Variants in CLMP observed in about 807,000 individuals in gnomAD.
The protein encoded by CLMP is CXADR-like membrane protein.
A neutral mutation model predicts 45.2 loss-of-function variants in CLMP; 27 were observed. The observed-to-expected ratio is 0.60, with a 90% CI of 0.44 to 0.82. The LOEUF (loss-of-function observed/expected upper bound fraction) is 0.82, where lower values mean the gene tolerates loss of function less well. Among genes scored for constraint, CLMP ranks in the 40% least tolerant of loss-of-function variants. The probability of loss-of-function intolerance (pLI) is 0.00; values close to 1 mark genes in which losing one functional copy is unlikely to be tolerated. For synonymous variants in CLMP, 167 were observed against 171.4 expected (o/e 0.97, Z 0.20); for missense variants, 403 against 448.4 (o/e 0.90, Z 0.91).
chr11:123,140,605 C>A (rs1429650913), intron 1 of CLMP, among the ~76,000 whole-genome samples: 1 of 152,026 alleles, frequency 6.6e-6, no homozygotes. Context: ...CAACCTTTGC[C>A]CAAAGCTTTC....
intron 1 of CLMP, among the ~76,000 whole-genome samples, chr11:123,150,480 A>AAAGAAAGG (rs764502298): frequency 6.9e-3 from 278 of 40,546 alleles, no homozygotes; most frequent in Non-Finnish European, 9.1e-3. Flanking sequence ...AGAAAGAAAG[A>AAAGAAAGG]AAGGAAGGAA....
rs540267810 is a variant in CLMP, at chr11:123,088,813, G to A, written c.187-4100C>T. Among the ~76,000 whole-genome samples, 67 of 152,070 alleles carry A rather than the reference G, an allele frequency of 4.4e-4. No homozygotes were observed. In the South Asian group the frequency reaches 0.013, roughly 30 times the overall value. On this transcript the variant is annotated intron_variant, in intron 2 of 6. Transcript: ENST00000448775. ...CTAATTTTGTATTTTTAGTAGAGAC[G>A]GGGTTTTACCATGTTGGTCAGGCTG...
intron 1 of CLMP, among the ~76,000 whole-genome samples, chr11:123,126,606 A>C (rs1860898433): frequency 6.6e-6 from 1 of 152,116 alleles, no homozygotes; most frequent in African/African-American, 2.4e-5. Flanking sequence ...GTAATAAGAA[A>C]ACAGAACTAG....
chr11:123,179,710 A>G (rs573812940), intron 1 of CLMP, among the ~76,000 whole-genome samples: 2 of 152,216 alleles, frequency 1.3e-5, no homozygotes, highest in Non-Finnish European at 2.9e-5. Context: ...GCAATTACCA[A>G]TACAAGATGT....
chr11:123,145,931 C>G (rs1861232939), intron 1 of CLMP, among the ~76,000 whole-genome samples: 1 of 152,212 alleles, frequency 6.6e-6, no homozygotes. Flanking sequence ...ATAGCCCTCC[C>G]TGGAGGGGAA....
chr11:123,074,947 T>C (rs1476518496), intron 5 of CLMP, 104 bp from the exon 6 acceptor site: 5 of 1,318,790 alleles, frequency 3.8e-6, no homozygotes, highest in Non-Finnish European at 5.1e-6. Context: ...TATTTGCAGG[T>C]TTGTTTGTTT....
Position 123,070,580 on chromosome 11 carries a change from C to T in CLMP, c.*2894G>A, listed in dbSNP as rs528021883. The stretch of plus-strand genomic sequence containing the variant: ...TGCTTTCAAAAGCATAGGCAGGAAA[C>T]CTTAGGTTCAAAGGTAGTAAATAAT... On this transcript the variant is annotated 3_prime_UTR_variant, in exon 7 of 7. Transcript: ENST00000448775. 3 of 152,130 alleles carry T rather than the reference C, an allele frequency of 2.0e-5. No homozygotes were observed. The highest frequency in any genetic ancestry group is 1.3e-4 in the Admixed American group (2 of 15,266). 9.4% of individuals were successfully genotyped at this position (152,130 alleles called of 1,614,324 possible).
rs190320870 is a variant in CLMP at position 123,075,212 on chromosome 11, C to T, written c.680-369G>A. 1.5e-3 allele frequency among the ~76,000 whole-genome samples: 235 copies of T among 152,228 alleles called. 1 individual carries two copies. Among genetic ancestry groups the T allele is most frequent in the African/African-American group, 5.5e-3 (227 of 41,548 alleles). ...CAGGTGATCCACCAGACTCAGCCTC[C>T]GAAAGTGCTGGGATTACAGGCGGGA... On this transcript the variant is annotated intron_variant, in intron 5 of 6. Coordinates refer to ENST00000448775, the MANE Select transcript of CLMP (RefSeq NM_024769.5).
chr11:123,070,538 C>G lies in CLMP; in HGVS notation c.*2936G>C, dbSNP rs746277343. The G allele has an allele frequency of 2.0e-5, 3 of 152,088 alleles. No individual in the cohort carries two copies. The highest frequency in any genetic ancestry group is 4.4e-5 in the Non-Finnish European group (3 of 68,012). The allele number at this position is 152,088 out of a possible 1,614,324, so 9.4% of individuals were successfully genotyped here. Reference sequence around the variant, plus strand: ...TAAAAATCTAAGGCTCTTTTTCATGCAAAGGAGACTGATTTTTGCTTTCAA... The same window carrying G: ...TAAAAATCTAAGGCTCTTTTTCATGGAAAGGAGACTGATTTTTGCTTTCAA... On this transcript the variant is annotated 3_prime_UTR_variant, in exon 7 of 7. Transcript: ENST00000448775.
chr11:123,151,450 C>G (rs1861336920), intron 1 of CLMP, among the ~76,000 whole-genome samples: 1 of 152,204 alleles, frequency 6.6e-6, no homozygotes, highest in South Asian at 2.1e-4. Flanking sequence ...TTCACTCATT[C>G]ACCTGCCCAC....
At chr11:123,194,791 A>G in intron 1 of CLMP, 122 bp downstream of exon 1, 1 of 1,215,276 alleles carries the variant, frequency 8.2e-7, no homozygotes, top group South Asian at 1.3e-5. Context: ...GGAGGCAGGG[A>G]CTGAAAAGCC....
intron 1 of CLMP, among the ~76,000 whole-genome samples, chr11:123,193,578 T>C (rs1021077658): frequency 2.6e-5 from 4 of 152,234 alleles, no homozygotes; most frequent in Non-Finnish European, 4.4e-5. Flanking sequence ...ATAGTTTGGC[T>C]TAGCCCACCT....
intron 2 of CLMP, among the ~76,000 whole-genome samples, chr11:123,093,525 T>C (rs1251811788): frequency 6.8e-6 from 1 of 146,180 alleles, no homozygotes; most frequent in Admixed American, 6.8e-5. Flanking sequence ...TTTTTGTGTT[T>C]TTAGTCGAGA....
At chr11:123,162,344 A>T (rs1438259760) in intron 1 of CLMP, among the ~76,000 whole-genome samples, 2 of 152,230 alleles carry the variant, frequency 1.3e-5, no homozygotes, top group Non-Finnish European at 2.9e-5. Flanking sequence ...ATTATTTATG[A>T]TTTATAACAC....
rs1034312810 is a variant in CLMP at position 123,071,286 on chromosome 11, T to C, written c.*2188A>G. 6.6e-6 allele frequency: 1 copy of C among 151,998 alleles called. No homozygotes were observed. Among genetic ancestry groups the C allele is most frequent in the African/African-American group, 2.4e-5 (1 of 41,374 alleles). 9.4% of individuals were successfully genotyped at this position (151,998 alleles called of 1,614,324 possible). A position where few individuals can be genotyped will look rare whatever the true frequency, so the allele number is the denominator to read the frequency against. ...CCCATCTCTACTAAAAATACAAAAA[T>C]TAGCTGTACGTGGTGGCGCACACCT... On this transcript the variant is annotated 3_prime_UTR_variant, in exon 7 of 7. Coordinates refer to ENST00000448775, the MANE Select transcript of CLMP (RefSeq NM_024769.5).
At chr11:123,190,772 A>C (rs187036219) in intron 1 of CLMP, among the ~76,000 whole-genome samples, 1 of 152,236 alleles carries the variant, frequency 6.6e-6, no homozygotes, top group Non-Finnish European at 1.5e-5. Flanking sequence ...ATTATTCAGC[A>C]TTTAGCTCAC....
intron 2 of CLMP, among the ~76,000 whole-genome samples, chr11:123,092,047 C>T (rs903273857): frequency 6.6e-6 from 1 of 152,000 alleles, no homozygotes; most frequent in Non-Finnish European, 1.5e-5. Flanking sequence ...TTCTGAAATG[C>T]CTTTTCCTCT....
chr11:123,119,965 G>A (rs1860790679), intron 1 of CLMP, among the ~76,000 whole-genome samples: 1 of 152,156 alleles, frequency 6.6e-6, no homozygotes, highest in African/African-American at 2.4e-5. Flanking sequence ...GGAATTACAG[G>A]TGTGAGCCAC....
At chr11:123,110,343 A>C (rs1442992734) in intron 1 of CLMP, among the ~76,000 whole-genome samples, 1 of 151,810 alleles carries the variant, frequency 6.6e-6, no homozygotes, top group Non-Finnish European at 1.5e-5. Flanking sequence ...AATTCCAGCT[A>C]CTTGGGAGGC....
Sources: gnomAD v4.1 joint callset for allele counts (sites outside exome capture counted in the v4.1 genomes callset) on GRCh38, gnomAD v4.1.1 for gene constraint, MANE v1.5 for transcripts, NCBI Gene and HGNC (gene_info 2026-07-23, HGNC 2026-07-21) for gene names.